Variants in CNTNAP2 observed in about 807,000 individuals in gnomAD.
The protein encoded by CNTNAP2 is contactin-associated protein-like 2.
Under a neutral mutation model 155.2 loss-of-function variants are expected in CNTNAP2, and 98 were observed. That is an observed-to-expected ratio of 0.63 (90% CI 0.54 to 0.75). The LOEUF is 0.75. CNTNAP2 is among the 30% of genes least tolerant of loss of function. CNTNAP2 has a pLI of 0.00. For missense variants in CNTNAP2, 1,727 were observed against 1,688.1 expected (o/e 1.02, Z -0.40); for synonymous variants, 651 against 631.2 (o/e 1.03, Z -0.47).
chr7:147,857,864 A>G (rs1447308622), intron 13 of CNTNAP2, among the ~76,000 whole-genome samples: 1 of 152,226 alleles, frequency 6.6e-6, no homozygotes, highest in African/African-American at 2.4e-5. Context: ...CCTCGGCTGC[A>G]AGTAATTATG....
At chr7:146,199,303 A>G (rs981947341) in intron 1 of CNTNAP2, among the ~76,000 whole-genome samples, 1 of 152,226 alleles carries the variant, frequency 6.6e-6, no homozygotes, top group African/African-American at 2.4e-5. Context: ...TTTACTTGAA[A>G]TCAATATAAT....
chr7:148,037,928 G>A (rs1802601480), intron 15 of CNTNAP2, among the ~76,000 whole-genome samples: 1 of 152,212 alleles, frequency 6.6e-6, no homozygotes, highest in African/African-American at 2.4e-5. Flanking sequence ...CCCATTGTAA[G>A]TGGAGGAGTA....
chr7:146,681,096 T>C (rs1800493360), intron 1 of CNTNAP2, among the ~76,000 whole-genome samples: 1 of 151,972 alleles, frequency 6.6e-6, no homozygotes, highest in Admixed American at 6.6e-5. Flanking sequence ...CAGAGTGCTA[T>C]GGGAAAAGAA....
At chr7:147,606,219 G>A (rs903149149) in intron 12 of CNTNAP2, among the ~76,000 whole-genome samples, 2 of 152,164 alleles carry the variant, frequency 1.3e-5, no homozygotes, top group African/African-American at 4.8e-5. Context: ...GGGTGGTAAT[G>A]TTTTAGGCTA....
chr7:148,120,958 A>G (rs1020921546), intron 16 of CNTNAP2, among the ~76,000 whole-genome samples: 4 of 152,204 alleles, frequency 2.6e-5, no homozygotes, highest in African/African-American at 9.6e-5. Flanking sequence ...TGGTGCTTTC[A>G]TGAAGAACAT....
intron 8 of CNTNAP2, among the ~76,000 whole-genome samples, chr7:147,133,617 T>G: frequency 6.6e-6 from 1 of 152,002 alleles, no homozygotes; most frequent in East Asian, 1.9e-4. Context: ...CTGTAAGAGG[T>G]GCTCTCCAAT....
chr7:147,137,542 G>A (rs1338556400), intron 8 of CNTNAP2, among the ~76,000 whole-genome samples: 1 of 151,628 alleles, frequency 6.6e-6, no homozygotes, highest in East Asian at 1.9e-4. Context: ...AAAGTATGAT[G>A]CTTAACAATG....
intron 15 of CNTNAP2, among the ~76,000 whole-genome samples, chr7:148,088,504 G>C (rs1803778741): frequency 6.6e-6 from 1 of 151,664 alleles, no homozygotes; most frequent in Non-Finnish European, 1.5e-5. Flanking sequence ...CTATACCACA[G>C]AAATCCAAAG....
intron 1 of CNTNAP2, among the ~76,000 whole-genome samples, chr7:146,494,318 A>G (rs530538192): frequency 6.6e-6 from 1 of 152,140 alleles, no homozygotes; most frequent in Admixed American, 6.5e-5. Flanking sequence ...TGGGCCACAG[A>G]GCGAGACTCT....
chr7:147,278,604 G>A (rs1459838730), intron 8 of CNTNAP2, among the ~76,000 whole-genome samples: 1 of 151,548 alleles, frequency 6.6e-6, no homozygotes, highest in Non-Finnish European at 1.5e-5. Flanking sequence ...TTATTAAAAT[G>A]AAAAATAGCA....
chr7:146,957,509 G>A (rs1797461284), intron 3 of CNTNAP2, among the ~76,000 whole-genome samples: 1 of 152,138 alleles, frequency 6.6e-6, no homozygotes, highest in South Asian at 2.1e-4. Context: ...AAAACATGTT[G>A]CAAGCATACA....
intron 12 of CNTNAP2, among the ~76,000 whole-genome samples, chr7:147,621,838 C>A (rs1227085914): frequency 6.6e-6 from 1 of 151,702 alleles, no homozygotes; most frequent in Admixed American, 6.6e-5. Context: ...CATACAGTAG[C>A]TGAATAGATG....
At chr7:146,299,214 T>C (rs1800563992) in intron 1 of CNTNAP2, among the ~76,000 whole-genome samples, 1 of 152,008 alleles carries the variant, frequency 6.6e-6, no homozygotes, top group South Asian at 2.1e-4. Context: ...GAGGTTGCAG[T>C]GAGCCGAGAT....
At chr7:146,399,081 C>CTT (rs10645774) in intron 1 of CNTNAP2, among the ~76,000 whole-genome samples, 61,413 of 151,710 alleles carry the variant, frequency 0.4, 14,236 homozygotes, top group African/African-American at 0.63. Flanking sequence ...GACAAATAAA[C>CTT]ATATATATTT....
intron 3 of CNTNAP2, among the ~76,000 whole-genome samples, chr7:146,866,770 A>C (rs1429201549): frequency 6.6e-6 from 1 of 152,032 alleles, no homozygotes; most frequent in African/African-American, 2.4e-5. Flanking sequence ...GCAGAGTTGG[A>C]AACATTTGTC....
At chr7:147,775,374 TA>T (rs1481296010) in intron 13 of CNTNAP2, among the ~76,000 whole-genome samples, 11 of 94,490 alleles carry the variant, frequency 1.2e-4, no homozygotes, top group African/African-American at 4.1e-4. Flanking sequence ...AATATATATA[TA>T]TTTATATATA....
chr7:146,664,709 G>A (rs1260932179), intron 1 of CNTNAP2, among the ~76,000 whole-genome samples: 1 of 152,072 alleles, frequency 6.6e-6, no homozygotes, highest in Admixed American at 6.5e-5. Flanking sequence ...ATTGTTTAGA[G>A]GTAGTAATAT....
intron 8 of CNTNAP2, among the ~76,000 whole-genome samples, chr7:147,228,995 T>C (rs1192776307): frequency 6.6e-6 from 1 of 152,120 alleles, no homozygotes; most frequent in Admixed American, 6.5e-5. Flanking sequence ...CTCATCCTTT[T>C]GTATGGCTGC....
chr7:146,361,116 A>T (rs926261454), intron 1 of CNTNAP2, among the ~76,000 whole-genome samples: 3 of 152,198 alleles, frequency 2.0e-5, no homozygotes, highest in African/African-American at 7.2e-5. Flanking sequence ...AAGAACGACA[A>T]ATTCCTGAAA....
Sources: allele counts gnomAD v4.1 joint callset (sites outside exome capture counted in the v4.1 genomes callset), GRCh38; gene constraint gnomAD v4.1.1; transcripts MANE v1.5; gene names NCBI Gene and HGNC (gene_info 2026-07-23, HGNC 2026-07-21).